Variants in PITPNC1 observed in about 807,000 individuals in gnomAD.
The protein encoded by PITPNC1 is cytoplasmic phosphatidylinositol transfer protein 1.
A neutral mutation model predicts 44.7 loss-of-function variants in PITPNC1; 18 were observed. The observed-to-expected ratio is 0.40, with a 90% CI of 0.28 to 0.60. PITPNC1 has a LOEUF of 0.60. Ranked by LOEUF, PITPNC1 falls within the 20% of genes least tolerant of loss-of-function variation. PITPNC1 has a pLI of 0.39. For missense variants in PITPNC1, 290 were observed against 418.4 expected, an observed-to-expected ratio of 0.69 and a Z score of 2.68; for synonymous variants, 141 against 149.6, an observed-to-expected ratio of 0.94 and a Z score of 0.42.
chr17:67,497,673 G>A (rs949948461), intron 1 of PITPNC1, among the ~76,000 whole-genome samples: 1 of 150,640 alleles, frequency 6.6e-6, no homozygotes, highest in Non-Finnish European at 1.5e-5. Flanking sequence ...GACCACACGT[G>A]TGAGCCACCA....
intron 8 of PITPNC1, 99 bp downstream of exon 8, chr17:67,675,641 A>G (rs2042588109): frequency 2.5e-6 from 2 of 791,834 alleles, no homozygotes; most frequent in Non-Finnish European, 4.5e-6. Context: ...GACAACAACA[A>G]AGGCAAGGCC....
chr17:67,669,881 G>T (rs1004353810), intron 7 of PITPNC1, among the ~76,000 whole-genome samples: 1 of 152,078 alleles, frequency 6.6e-6, no homozygotes, highest in Non-Finnish European at 1.5e-5. Context: ...AGACCGGCCT[G>T]GCCAACATGG....
chr17:67,461,130 G>A (rs1004692896), intron 1 of PITPNC1, among the ~76,000 whole-genome samples: 17 of 151,968 alleles, frequency 1.1e-4, no homozygotes, highest in Non-Finnish European at 2.4e-4. Context: ...TCATACCTAG[G>A]CCATGGTCTG....
intron 1 of PITPNC1, among the ~76,000 whole-genome samples, chr17:67,418,496 G>T (rs1045604231): frequency 3.3e-5 from 5 of 152,262 alleles, no homozygotes; most frequent in Non-Finnish European, 7.4e-5. Flanking sequence ...GTGAAACTGT[G>T]TTGTTGCGGG....
chr17:67,583,865 T>TTGTGTGTGTGTG (rs771258752), intron 5 of PITPNC1, among the ~76,000 whole-genome samples: 1 of 118,346 alleles, frequency 8.4e-6, no homozygotes, highest in Non-Finnish European at 1.8e-5. Flanking sequence ...CTGGCTAATT[T>TTGTGTGTGTGTG]TGTGTGTGTG....
At chr17:67,561,365 A>G (rs1212360729) in intron 4 of PITPNC1, among the ~76,000 whole-genome samples, 1 of 152,002 alleles carries the variant, frequency 6.6e-6, no homozygotes, top group East Asian at 1.9e-4. Flanking sequence ...CTAAGGCAGG[A>G]GAATCACTTG....
intron 1 of PITPNC1, among the ~76,000 whole-genome samples, chr17:67,436,642 T>C (rs2038940492): frequency 6.6e-6 from 1 of 152,074 alleles, no homozygotes; most frequent in South Asian, 2.1e-4. Flanking sequence ...AGAAGTGACA[T>C]AATCTGATTC....
At position 67,426,646 on chromosome 17, in the gene PITPNC1, C is replaced by T. The variant is rs939136246; in HGVS notation, c.48+48444C>T. ...GAGGGGAGGGATTTAGAGGATGGAT[C>T]AATAGGTGCAGCAAACCACCATGGC... On this transcript the variant is annotated intron_variant, in intron 1 of 8. Coordinates refer to ENST00000581322, the MANE Select transcript of PITPNC1 (RefSeq NM_012417.4). Among the ~76,000 whole-genome samples, 7 of 152,006 alleles carry T rather than the reference C, an allele frequency of 4.6e-5. No individual in the cohort carries two copies. In the South Asian group the frequency reaches 1.5e-3, roughly 32 times the overall value.
chr17:67,573,556 C>CTT (rs35434515), intron 4 of PITPNC1, among the ~76,000 whole-genome samples: 188 of 84,022 alleles, frequency 2.2e-3, no homozygotes, highest in African/African-American at 3.1e-3. Flanking sequence ...ACTGAATACT[C>CTT]TTTTTTTTTT....
rs80092436 is a variant in PITPNC1, at chr17:67,388,263, G to A, written c.48+10061G>A. On this transcript the variant is annotated intron_variant, in intron 1 of 8. Coordinates refer to ENST00000581322, the MANE Select transcript of PITPNC1 (RefSeq NM_012417.4). ...TCACATATATTTAGGAGTTATTGCC[G>A]TCAGACTGCTTTCCTCCCAATTCCC... 5.3e-3 allele frequency among the ~76,000 whole-genome samples: 798 copies of A among 151,540 alleles called. 10 individuals carry two copies. Among genetic ancestry groups the A allele is most frequent in the African/African-American group, 0.018 (749 of 41,290 alleles).
At chr17:67,529,058 C>G (rs2040427061) in intron 1 of PITPNC1, among the ~76,000 whole-genome samples, 1 of 152,192 alleles carries the variant, frequency 6.6e-6, no homozygotes, top group Non-Finnish European at 1.5e-5. Context: ...CCCCCAGCGT[C>G]TGCAGGTCAC....
chr17:67,448,063 A>G (rs932560497), intron 1 of PITPNC1, among the ~76,000 whole-genome samples: 1 of 151,912 alleles, frequency 6.6e-6, no homozygotes, highest in African/African-American at 2.4e-5. Flanking sequence ...CTCCTGCTTC[A>G]GCCTCCGGAG....
intron 2 of PITPNC1, among the ~76,000 whole-genome samples, chr17:67,550,829 A>T (rs568888579): frequency 6.6e-6 from 1 of 152,302 alleles, no homozygotes; most frequent in African/African-American, 2.4e-5. Flanking sequence ...TTGGAGGCCG[A>T]GGCGGGTGGA....
intron 1 of PITPNC1, among the ~76,000 whole-genome samples, chr17:67,530,296 A>T (rs572643209): frequency 6.6e-5 from 10 of 151,650 alleles, no homozygotes; most frequent in Non-Finnish European, 1.5e-4. Flanking sequence ...ATTCACCGTG[A>T]TCGCCAGGAT....
chr17:67,517,197 A>G (rs2040270332), intron 1 of PITPNC1, among the ~76,000 whole-genome samples: 1 of 152,258 alleles, frequency 6.6e-6, no homozygotes, highest in Non-Finnish European at 1.5e-5. Context: ...AGTGACTTGG[A>G]CAACCACACT....
chr17:67,564,633 T>G (rs933907013), intron 4 of PITPNC1, among the ~76,000 whole-genome samples: 5 of 152,196 alleles, frequency 3.3e-5, no homozygotes, highest in African/African-American at 1.2e-4. Context: ...CTAGTCAAGT[T>G]GACGCCTAAA....
chr17:67,589,320 T>C (rs886165171), intron 5 of PITPNC1, among the ~76,000 whole-genome samples: 2 of 152,212 alleles, frequency 1.3e-5, no homozygotes, highest in African/African-American at 4.8e-5. Flanking sequence ...TCAAAGAAGC[T>C]AGAACTTACC....
chr17:67,532,386 C>T (rs2040473698), intron 1 of PITPNC1, among the ~76,000 whole-genome samples: 1 of 152,304 alleles, frequency 6.6e-6, no homozygotes, highest in African/African-American at 2.4e-5. Flanking sequence ...GCTCCCTGTT[C>T]AGCAATTTTG....
At chr17:67,426,783 T>G (rs922899970) in intron 1 of PITPNC1, among the ~76,000 whole-genome samples, 3 of 152,178 alleles carry the variant, frequency 2.0e-5, no homozygotes, top group African/African-American at 7.2e-5. Context: ...TCCATATTTA[T>G]GTATCATCAT....
Sources: allele counts gnomAD v4.1 joint callset (sites outside exome capture counted in the v4.1 genomes callset), GRCh38; gene constraint gnomAD v4.1.1; transcripts MANE v1.5; gene names NCBI Gene and HGNC (gene_info 2026-07-23, HGNC 2026-07-21).